The following SAMD5 variants were observed in gnomAD, a reference collection of about 807,000 sequenced individuals.
SAMD5 encodes the protein sterile alpha motif domain-containing protein 5.
SAMD5 carries 13 observed loss-of-function variants against 11.3 expected under a neutral mutation model. The ratio of observed to expected loss-of-function variants is 1.15; its 90% CI spans 0.75 to 1.83. The LOEUF (loss-of-function observed/expected upper bound fraction) is 1.83. SAMD5 is among the 40% of genes most tolerant of loss of function. SAMD5 has a pLI of 0.00. For synonymous variants in SAMD5, 129 were observed against 111.3 expected (o/e 1.16, Z -1.00); for missense variants, 255 against 239.1 (o/e 1.07, Z -0.44).
chr6:147,580,912 C>T (rs1232786975), intron 1 of SAMD5, among the ~76,000 whole-genome samples: 4 of 151,982 alleles, frequency 2.6e-5, no homozygotes, highest in African/African-American at 9.7e-5. Flanking sequence ...ATAGCAGCAG[C>T]CAGGAAAGAG....
At chr6:147,679,702 T>G (rs1255076333) in intron 1 of SAMD5, among the ~76,000 whole-genome samples, 1 of 152,058 alleles carries the variant, frequency 6.6e-6, no homozygotes, top group Non-Finnish European at 1.5e-5. Flanking sequence ...CATTTTGTTG[T>G]CATATCTAAG....
the SAMD5 span, among the ~76,000 whole-genome samples, chr6:147,935,692 T>C: frequency 6.6e-6 from 1 of 152,176 alleles, no homozygotes; most frequent in African/African-American, 2.4e-5. Context: ...AAGATATGGT[T>C]CTAGAATGAA....
In SAMD5 at chr6:147,703,656, T is replaced by C. The variant is rs1791287093; in HGVS notation, c.163-33661T>C. ...AAAGTCCAAATCACAATCTCCTTTC[T>C]CTATGCTAGAGATGGCCAAAAATAT... On this transcript the variant is annotated intron_variant, in intron 1 of 1. Transcript: ENST00000566741. Among the ~76,000 whole-genome samples, 3 of 152,170 alleles carry C rather than the reference T, an allele frequency of 2.0e-5. No homozygotes were observed. The South Asian group carries it at 6.2e-4, about 31-fold the overall frequency.
At chr6:147,739,539 A>C (rs1270078194), downstream of SAMD5, among the ~76,000 whole-genome samples, 1 of 152,154 alleles carries the variant, frequency 6.6e-6, no homozygotes, top group East Asian at 1.9e-4. Flanking sequence ...TCAAGGCTGC[A>C]ATGATCAGAG....
At chr6:147,534,406 C>G (rs73787087) in intron 1 of SAMD5, among the ~76,000 whole-genome samples, 3,988 of 152,212 alleles carry the variant, frequency 0.026, 82 homozygotes, top group South Asian at 0.065. Flanking sequence ...CTGTAACCAC[C>G]CAAGGGCTTT....
chr6:147,874,792 T>C, the SAMD5 span, among the ~76,000 whole-genome samples: 16 of 151,984 alleles, frequency 1.1e-4, no homozygotes, highest in Non-Finnish European at 4.4e-5. Context: ...ATAAATTTGA[T>C]AATCAGCATT....
intron 1 of SAMD5, among the ~76,000 whole-genome samples, chr6:147,630,993 G>C (rs184855712): frequency 6.6e-6 from 1 of 151,650 alleles, no homozygotes; most frequent in East Asian, 1.9e-4. Context: ...GGGGACACCT[G>C]CCTTGATCCT....
chr6:147,563,176 T>C (rs1372876465), intron 1 of SAMD5, among the ~76,000 whole-genome samples: 3 of 152,222 alleles, frequency 2.0e-5, no homozygotes, highest in Non-Finnish European at 4.4e-5. Flanking sequence ...TGCCTGATGG[T>C]GTCACCCAAA....
intron 1 of SAMD5, among the ~76,000 whole-genome samples, chr6:147,733,484 A>G (rs1284335661): frequency 6.6e-6 from 1 of 150,798 alleles, no homozygotes; most frequent in African/African-American, 2.4e-5. Context: ...TGAGACCACC[A>G]TTCTAATTTC....
At chr6:147,846,903 A>G in the SAMD5 span, among the ~76,000 whole-genome samples, 1 of 152,202 alleles carries the variant, frequency 6.6e-6, no homozygotes, top group South Asian at 2.1e-4. Context: ...TTGCCAGACT[A>G]CCAACATGTC....
chr6:147,858,439 A>G, the SAMD5 span, among the ~76,000 whole-genome samples: 1 of 152,164 alleles, frequency 6.6e-6, no homozygotes, highest in Non-Finnish European at 1.5e-5. Context: ...AATTTATTGT[A>G]TTAGTTTAGG....
chr6:147,919,167 G>A, the SAMD5 span, among the ~76,000 whole-genome samples: 5 of 152,304 alleles, frequency 3.3e-5, no homozygotes, highest in Non-Finnish European at 5.9e-5. Context: ...CATTGGTCAA[G>A]GAGATGGTTG....
chr6:147,567,631 G>T lies in SAMD5; in HGVS notation c.*3175G>T, dbSNP rs911326666. ...TGGCTCAGTGCTAGGCATGTAGCAG[G>T]TGCTGACTGCCTCTCTCCCTTCCCT... On this transcript the variant is annotated 3_prime_UTR_variant, in exon 2 of 2. Transcript: ENST00000367474. 1 of 983,500 alleles carries T rather than the reference G, an allele frequency of 1.0e-6. No homozygotes were observed. Among genetic ancestry groups the T allele is most frequent in the African/African-American group, 1.7e-5 (1 of 57,178 alleles). 60.9% of individuals were successfully genotyped at this position (983,500 alleles called of 1,614,324 possible). A position where few individuals can be genotyped will look rare whatever the true frequency, so the allele number is the denominator to read the frequency against.
the SAMD5 span, among the ~76,000 whole-genome samples, chr6:147,920,747 A>C: frequency 6.6e-6 from 1 of 152,206 alleles, no homozygotes; most frequent in Non-Finnish European, 1.5e-5. Flanking sequence ...AAGCCTAGTT[A>C]GCTTCATGGC....
intron 1 of SAMD5, 127 bp downstream of exon 1, chr6:147,509,514 G>A: frequency 5.4e-6 from 4 of 744,740 alleles, no homozygotes; most frequent in Non-Finnish European, 8.2e-6. Context: ...TGGGTATCTG[G>A]GACCCTTTTC....
At chr6:147,909,626 T>TCTCTCTCTCTCTCTCTCTC in the SAMD5 span, among the ~76,000 whole-genome samples, 1 of 59,260 alleles carries the variant, frequency 1.7e-5, no homozygotes, top group African/African-American at 8.6e-5. Flanking sequence ...CTTTCTTTCT[T>TCTCTCTCTCTCTCTCTCTC]TCTTTCTCTT....
At chr6:147,804,570 A>G in the SAMD5 span, among the ~76,000 whole-genome samples, 3 of 152,216 alleles carry the variant, frequency 2.0e-5, no homozygotes, top group Non-Finnish European at 2.9e-5. Context: ...TCTAGCATCA[A>G]AGTTTCTTTT....
At chr6:147,533,115 C>T (rs1324342117) in intron 1 of SAMD5, among the ~76,000 whole-genome samples, 1 of 152,150 alleles carries the variant, frequency 6.6e-6, no homozygotes, top group African/African-American at 2.4e-5. Context: ...GAGGCCAGCA[C>T]ACCCAGAGCC....
rs770951623 is a variant in SAMD5 at position 147,509,116 on chromosome 6, G to T, written c.188G>T (p.Arg63Leu). ...RRILEAVRRL[R>L]EQDANAAGLY... ...ATCCTGGAGGCCGTGCGCCGGCTGC[G>T]GGAGCAGGACGCCAACGCCGCCGGC... The change falls in exon 1 of 2, where the codon CGG (arginine) becomes CTG (leucine). Residue 63 changes from arginine to leucine, a missense_variant. Coordinates refer to ENST00000367474, the MANE Select transcript of SAMD5 (RefSeq NM_001030060.3). The T allele has an allele frequency of 6.3e-7, 1 of 1,581,244 alleles. No individual in the cohort carries two copies. The highest frequency in any genetic ancestry group is 8.6e-7 in the Non-Finnish European group (1 of 1,165,886).
Sources: allele counts gnomAD v4.1 joint callset (sites outside exome capture counted in the v4.1 genomes callset), GRCh38; gene constraint gnomAD v4.1.1; transcripts MANE v1.5; gene names NCBI Gene and HGNC (gene_info 2026-07-23, HGNC 2026-07-21).